NXF1: variants seen among roughly 807,000 people sequenced by gnomAD.
NXF1 encodes the protein mRNA export factor TAP.
A neutral mutation model predicts 92.4 loss-of-function variants in NXF1; 43 were observed. That is an observed-to-expected ratio of 0.47 (90% confidence interval 0.36 to 0.60). The LOEUF is 0.60. Ranked by LOEUF, NXF1 falls within the 20% of genes least tolerant of loss-of-function variation. NXF1 has a pLI of 0.00. For synonymous variants in NXF1, 288 were observed against 292.2 expected (o/e 0.99, Z 0.15); for missense variants, 576 against 793.0 (o/e 0.73, Z 3.29).
intron 9 of NXF1, 96 bp downstream of exon 9, chr11:62,800,998 C>T (rs1337718986): frequency 4.4e-6 from 4 of 900,976 alleles, no homozygotes; most frequent in South Asian, 1.5e-5. Context: ...GCACATCTGG[C>T]CTGAGTTCTC....
At chr11:62,794,521 A>G (rs2084401199) in intron 18 of NXF1, 81 bp from the exon 19 acceptor site, 3 of 1,285,776 alleles carry the variant, frequency 2.3e-6, no homozygotes, top group Non-Finnish European at 3.3e-6. Flanking sequence ...TGATTCTTTC[A>G]ATATCCACAA....
chr11:62,793,073 TTC>T (rs759545990), intron 19 of NXF1, among the ~76,000 whole-genome samples: 2 of 150,516 alleles, frequency 1.3e-5, no homozygotes, highest in East Asian at 2.0e-4. Flanking sequence ...GTTTGTGTTT[TTC>T]TGTTTGCTTT....
chr11:62,800,269 C>G, intron 10 of NXF1, 108 bp downstream of exon 10: 2 of 1,548,576 alleles, frequency 1.3e-6, no homozygotes, highest in Non-Finnish European at 1.7e-6. Flanking sequence ...ACAGGTGGTT[C>G]CAGCTCAGGG....
chr11:62,793,335 C>T (rs993376565), intron 19 of NXF1, among the ~76,000 whole-genome samples: 9 of 152,300 alleles, frequency 5.9e-5, no homozygotes, highest in African/African-American at 2.2e-4. Flanking sequence ...CCTCAGCCTC[C>T]CAAAGTGCTG....
Position 62,803,897 on chromosome 11 carries a change from T to C in NXF1, c.110A>G (p.Asn37Ser). The C allele has an allele frequency of 6.2e-7, 1 of 1,614,194 alleles. No homozygotes were observed. The highest frequency in any genetic ancestry group is 1.3e-5 in the African/African-American group (1 of 75,046). ...AGAACCGCCTCTTCCAGACCTACGG[T>C]TTCCTTCACCATATTTCCACCGGAA... is the stretch of plus-strand genomic sequence containing the variant. Reference protein sequence around the residue: ...GPFRWKYGEGNRRSGRGGSGI... With the variant: ...GPFRWKYGEGSRRSGRGGSGI... The change falls in exon 2 of 21, where the codon AAC becomes AGC. Residue 37 changes from asparagine (N) to serine (S), a missense_variant. Transcript: ENST00000294172.
chr11:62,805,106 C>G (rs1363346171), intron 1 of NXF1: 12 of 393,264 alleles, frequency 3.1e-5, no homozygotes, highest in Non-Finnish European at 4.9e-5. Flanking sequence ...ACCCTACCCC[C>G]GAGCCATCCG....
chr11:62,794,722 G>C, intron 18 of NXF1: 1 of 592,986 alleles, frequency 1.7e-6, no homozygotes, highest in Admixed American at 3.0e-5. Context: ...TGAGGCAGCA[G>C]CCTACTTGCT....
chr11:62,802,129 T>TC (rs1046099395), intron 4 of NXF1, 48 bp downstream of exon 4: 1 of 1,609,088 alleles, frequency 6.2e-7, no homozygotes, highest in Non-Finnish European at 8.5e-7. Flanking sequence ...GCTTGCCCCT[T>TC]CACCATCCCT....
intron 9 of NXF1, 25 bp downstream of exon 9, chr11:62,801,069 A>C (rs1379577572): frequency 1.3e-6 from 2 of 1,574,956 alleles, no homozygotes; most frequent in Non-Finnish European, 1.7e-6. Flanking sequence ...CCCTTCAAAA[A>C]TATAGCCGAG....
intron 20 of NXF1, 25 bp from the exon 21 acceptor site, chr11:62,792,539 A>C (rs1276533023): frequency 2.5e-6 from 4 of 1,614,064 alleles, no homozygotes; most frequent in Non-Finnish European, 3.4e-6. Flanking sequence ...AGGTCAGTAG[A>C]GGTAGGCCTA....
At chr11:62,795,836 T>C (rs2084414246) in intron 17 of NXF1, 65 bp downstream of exon 17, 2 of 1,443,776 alleles carry the variant, frequency 1.4e-6, no homozygotes, top group African/African-American at 1.4e-5. Context: ...AAGCTAAGAG[T>C]GCTGAGGAAA....
Position 62,794,361 on chromosome 11 carries a change from G to C in NXF1, c.1657C>G (p.Pro553Ala). 1 of 1,614,164 alleles carries C rather than the reference G, an allele frequency of 6.2e-7. No individual in the cohort carries two copies. The highest frequency in any genetic ancestry group is 8.5e-7 in the Non-Finnish European group (1 of 1,180,026). Residue 553 changes from proline (P) to alanine (A), a missense_variant, in exon 19 of 21, where the codon CCC (proline) becomes GCC (alanine). By Grantham distance (27) the Pro-to-Ala change is conservative. Coordinates refer to ENST00000294172, the MANE Select transcript of NXF1 (RefSeq NM_006362.5). ...GGCACCGGGCTGGAGGAAGGCGTGG[G>C]TGCAGGCATAGCGAAGGCTCTTTGG... ...EIQRAFAMPA[P>A]TPSSSPVPTL...
Position 62,792,445 on chromosome 11 carries a change from A to G in NXF1, c.*31T>C. 1 of 1,613,660 alleles carries G rather than the reference A, an allele frequency of 6.2e-7. No homozygotes were observed. Among genetic ancestry groups the G allele is most frequent in the Non-Finnish European group, 8.5e-7 (1 of 1,179,552 alleles). ...ACGGTAATATCCAAGGACTATTTAC[A>G]GGGGGGACTGCTTCTGAGGCATGAC... On this transcript the variant is annotated 3_prime_UTR_variant, in exon 21 of 21. Transcript: ENST00000294172.
intron 13 of NXF1, 49 bp downstream of exon 13, chr11:62,797,134 C>T (rs2084429913): frequency 6.5e-7 from 1 of 1,531,444 alleles, no homozygotes; most frequent in East Asian, 2.2e-5. Context: ...GTCTGCCCAC[C>T]ATTCCCCCTC....
At chr11:62,804,146 G>T (rs1423516630) in intron 1 of NXF1, 168 bp from the exon 2 acceptor site, 2 of 1,542,236 alleles carry the variant, frequency 1.3e-6, no homozygotes. Context: ...CCTCTCTGTG[G>T]GAGGGCAGCA....
chr11:62,794,525 T>C lies in NXF1; in HGVS notation c.1578-85A>G, dbSNP rs2084401249. On this transcript the variant is annotated intron_variant, in intron 18 of 20. Transcript: ENST00000294172. ...TTCCTATTCTCTGATTCTTTCAATA[T>C]CCACAAGGTCCCCCTCCCACTCTTA... 6.7e-6 allele frequency: 8 copies of C among 1,201,588 alleles called. No homozygotes were observed. The South Asian group carries it at 1.1e-4, about 16-fold the overall frequency. The allele number at this position is 1,201,588 out of a possible 1,614,324, so 74.4% of individuals were successfully genotyped here.
At chr11:62,796,912 C>T (rs2084426745) in intron 13 of NXF1, 1 of 543,140 alleles carries the variant, frequency 1.8e-6, no homozygotes, top group South Asian at 2.1e-5. Flanking sequence ...ACGAAAAATA[C>T]AAAAATTAGC....
At chr11:62,797,985 T>C (rs2084438445) in intron 11 of NXF1, among the ~76,000 whole-genome samples, 1 of 151,530 alleles carries the variant, frequency 6.6e-6, no homozygotes. Flanking sequence ...ACAAAGAAAT[T>C]AGCCGGGCAT....
Position 62,792,435 on chromosome 11 carries a change from GAC to G in NXF1, c.*39_*40del, listed in dbSNP as rs767082319. ...CGACAACCAGACGGTAATATCCAAG[GAC>G]TATTTACAGGGGGGACTGCTTCTGA... is the stretch of plus-strand genomic sequence containing the variant. On this transcript the variant is annotated 3_prime_UTR_variant, in exon 21 of 21. Coordinates refer to ENST00000294172, the MANE Select transcript of NXF1 (RefSeq NM_006362.5). The G allele has an allele frequency of 8.7e-6, 14 of 1,611,520 alleles. No individual in the cohort carries two copies. Among genetic ancestry groups the G allele is most frequent in the Middle Eastern group, 1.6e-4 (1 of 6,080 alleles).
Sources: gnomAD v4.1 joint callset for allele counts (sites outside exome capture counted in the v4.1 genomes callset) on GRCh38, gnomAD v4.1.1 for gene constraint, MANE v1.5 for transcripts, NCBI Gene and HGNC (gene_info 2026-07-23, HGNC 2026-07-21) for gene names.